THADA: variants seen among roughly 807,000 people sequenced by gnomAD.
THADA encodes the protein tRNA (32-2'-O)-methyltransferase regulator THADA.
Under a neutral mutation model 219.8 loss-of-function variants are expected in THADA, and 213 were observed. The ratio of observed to expected loss-of-function variants is 0.97; its 90% CI spans 0.87 to 1.09. The LOEUF is 1.09. THADA is among the 50% of genes least tolerant of loss of function. The pLI is 0.00. For missense variants in THADA, 2,956 were observed against 2,311.3 expected (o/e 1.28, Z -5.72); for synonymous variants, 1,018 against 828.9 (o/e 1.23, Z -3.92).
chr2:43,453,901 T>C (rs530868845), intron 26 of THADA, among the ~76,000 whole-genome samples: 79 of 152,326 alleles, frequency 5.2e-4, no homozygotes, highest in African/African-American at 1.9e-3. Flanking sequence ...ACTTTCTACA[T>C]TTTGTTTTTA....
At chr2:43,323,739 C>G (rs962710039) in intron 30 of THADA, among the ~76,000 whole-genome samples, 2 of 152,122 alleles carry the variant, frequency 1.3e-5, no homozygotes, top group Non-Finnish European at 2.9e-5. Flanking sequence ...ACCAACCAAC[C>G]AACCAACCAA....
At chr2:43,536,348 G>C (rs1266646710) in intron 21 of THADA, among the ~76,000 whole-genome samples, 2 of 152,070 alleles carry the variant, frequency 1.3e-5, no homozygotes, top group Non-Finnish European at 2.9e-5. Context: ...TGTTGCTACA[G>C]GTTTGTAGTA....
In THADA at chr2:43,430,263, G is replaced by C; in HGVS notation, c.3876C>G (p.Leu1292=). The C allele has an allele frequency of 1.9e-6, 3 of 1,551,710 alleles. No homozygotes were observed. Among genetic ancestry groups the C allele is most frequent in the Non-Finnish European group, 2.6e-6 (3 of 1,147,554 alleles). ...CCAACTGTTTGAGAAGAAAAGGATA[G>C]AGTTCTGGGAAACGAGAGAAAAACT... ...GREFFSRFPE[L]YPFLLKQLET... is the part of the protein sequence containing the mutation. Residue 1292 remains leucine, a synonymous_variant, in exon 27 of 38, where the codon CTC becomes CTG. Transcript: ENST00000405975.
At chr2:43,294,235 G>T (rs1350797049) in intron 31 of THADA, among the ~76,000 whole-genome samples, 1 of 152,104 alleles carries the variant, frequency 6.6e-6, no homozygotes, top group African/African-American at 2.4e-5. Flanking sequence ...AAAACTTATT[G>T]CCTGCTTACT....
At chr2:43,301,875 A>G (rs1010224605) in intron 31 of THADA, among the ~76,000 whole-genome samples, 20 of 152,152 alleles carry the variant, frequency 1.3e-4, no homozygotes, top group African/African-American at 4.3e-4. Flanking sequence ...CCCTGGTGCA[A>G]CAACGTTTGT....
chr2:43,285,367 T>C (rs1290834143), intron 35 of THADA, among the ~76,000 whole-genome samples: 1 of 152,106 alleles, frequency 6.6e-6, no homozygotes, highest in Admixed American at 6.5e-5. Context: ...TCTTATGAGA[T>C]CTGATGGTTT....
intron 30 of THADA, among the ~76,000 whole-genome samples, chr2:43,327,086 C>T (rs1449923660): frequency 6.6e-6 from 1 of 151,922 alleles, no homozygotes; most frequent in East Asian, 1.9e-4. Flanking sequence ...GAAAAAAATA[C>T]ACATAAAAAC....
At chr2:43,457,648 G>C (rs1324456030) in intron 26 of THADA, among the ~76,000 whole-genome samples, 3 of 152,098 alleles carry the variant, frequency 2.0e-5, no homozygotes, top group Non-Finnish European at 4.4e-5. Context: ...TGTTTCATAG[G>C]TCAGAGGATT....
chr2:43,478,306 A>G (rs1271563668), intron 26 of THADA, among the ~76,000 whole-genome samples: 1 of 152,320 alleles, frequency 6.6e-6, no homozygotes, highest in African/African-American at 2.4e-5. Flanking sequence ...GTTCTGAATA[A>G]AGAAATATTA....
chr2:43,325,341 C>T (rs1679203156), intron 30 of THADA, among the ~76,000 whole-genome samples: 1 of 151,676 alleles, frequency 6.6e-6, no homozygotes, highest in South Asian at 2.1e-4. Context: ...GAGGCCTATT[C>T]ATTCAGGAAA....
intron 34 of THADA, among the ~76,000 whole-genome samples, chr2:43,288,246 C>T (rs1364820516): frequency 1.3e-5 from 2 of 152,244 alleles, no homozygotes; most frequent in Admixed American, 1.3e-4. Context: ...TGGTGAAACC[C>T]TGTCTCTACT....
chr2:43,568,788 A>G (rs955601209), intron 14 of THADA, among the ~76,000 whole-genome samples: 11 of 152,126 alleles, frequency 7.2e-5, no homozygotes, highest in African/African-American at 2.7e-4. Flanking sequence ...CATGCCTGTA[A>G]TCCCAGCACT....
chr2:43,538,006 T>G (rs1694824166), intron 21 of THADA, among the ~76,000 whole-genome samples: 2 of 151,268 alleles, frequency 1.3e-5, no homozygotes, highest in African/African-American at 4.9e-5. Flanking sequence ...TAGTTGGCAA[T>G]CTTACTCGTG....
chr2:43,292,036 T>G (rs1230725134), intron 33 of THADA, 68 bp downstream of exon 33: 5 of 1,095,756 alleles, frequency 4.6e-6, no homozygotes, highest in Non-Finnish European at 6.5e-6. Flanking sequence ...TGTGTGCAAG[T>G]TCATTACATA....
intron 29 of THADA, among the ~76,000 whole-genome samples, chr2:43,394,467 T>C (rs1160062542): frequency 1.3e-5 from 2 of 152,252 alleles, no homozygotes; most frequent in African/African-American, 4.8e-5. Context: ...GATTATGAAA[T>C]GATTTCCTGC....
At chr2:43,419,467 C>G (rs1558731319) in intron 28 of THADA, among the ~76,000 whole-genome samples, 1 of 152,182 alleles carries the variant, frequency 6.6e-6, no homozygotes, top group East Asian at 1.9e-4. Context: ...AAGGGAAAAC[C>G]CATTCCAGTC....
intron 26 of THADA, among the ~76,000 whole-genome samples, chr2:43,457,989 C>T (rs1312655772): frequency 6.6e-6 from 1 of 152,070 alleles, no homozygotes; most frequent in Non-Finnish European, 1.5e-5. Flanking sequence ...TGTCCTCTAC[C>T]TCTCGACAAA....
chr2:43,436,079 T>C (rs568119471), intron 26 of THADA, among the ~76,000 whole-genome samples: 20 of 152,308 alleles, frequency 1.3e-4, no homozygotes, highest in South Asian at 6.2e-4. Flanking sequence ...ACACAGCTTG[T>C]TGAGTCTTCC....
chr2:43,419,303 T>A (rs1677403052), intron 28 of THADA, among the ~76,000 whole-genome samples: 1 of 152,126 alleles, frequency 6.6e-6, no homozygotes. Context: ...GGAGGCAAGA[T>A]GAGCAGTCAA....
Sources: allele counts gnomAD v4.1 joint callset (sites outside exome capture counted in the v4.1 genomes callset), GRCh38; gene constraint gnomAD v4.1.1; transcripts MANE v1.5; gene names NCBI Gene and HGNC (gene_info 2026-07-23, HGNC 2026-07-21).